Variants in HDAC8 observed in about 807,000 individuals in gnomAD.
HDAC8 encodes the protein histone deacetylase-like 1.
HDAC8 carries 1 observed loss-of-function variant against 32.2 expected under a neutral mutation model. The ratio of observed to expected loss-of-function variants is 0.03; its 90% CI spans 0.01 to 0.15. The LOEUF (loss-of-function observed/expected upper bound fraction) is 0.15, where lower values mean the gene tolerates loss of function less well. Ranked by LOEUF, HDAC8 falls within the 10% of genes least tolerant of loss-of-function variation. The pLI, the probability that HDAC8 is intolerant of heterozygous loss-of-function variation, is 1.00. For missense variants in HDAC8, 117 were observed against 300.0 expected (o/e 0.39, Z 4.51); for synonymous variants, 108 against 113.9 (o/e 0.95, Z 0.33).
chrX:72,559,625 G>A (rs1482190694), intron 4 of HDAC8, among the ~76,000 whole-genome samples: 2 of 108,511 alleles, frequency 1.8e-5, no homozygotes, highest in Non-Finnish European at 3.8e-5. Context: ...AGGAAGTGAG[G>A]AGCGTCTCTG....
chrX:72,364,475 G>C (rs2044642612), intron 9 of HDAC8, among the ~76,000 whole-genome samples: 1 of 111,848 alleles, frequency 8.9e-6, no homozygotes, highest in Non-Finnish European at 1.9e-5. Context: ...TGGAAAATTT[G>C]AATTCTTGGT....
chrX:72,445,188 AGT>A (rs1423494834), intron 9 of HDAC8, among the ~76,000 whole-genome samples: 7 of 110,555 alleles, frequency 6.3e-5, no homozygotes, highest in Non-Finnish European at 1.3e-4. Flanking sequence ...ACTACTTTAA[AGT>A]TCATATGGAA....
At chrX:72,341,703 G>A (rs1408312356) in intron 10 of HDAC8, among the ~76,000 whole-genome samples, 2 of 111,465 alleles carry the variant, frequency 1.8e-5, no homozygotes, top group Non-Finnish European at 3.8e-5. Flanking sequence ...ACCTCAGCCT[G>A]TTTTAGAGAT....
At chrX:72,401,139 T>C (rs1555967240) in intron 9 of HDAC8, among the ~76,000 whole-genome samples, 1 of 112,453 alleles carries the variant, frequency 8.9e-6, no homozygotes, top group Non-Finnish European at 1.9e-5. Flanking sequence ...GTTCAACCTT[T>C]TGAGGAACTG....
intron 9 of HDAC8, among the ~76,000 whole-genome samples, chrX:72,445,583 G>C (rs1241415412): frequency 2.7e-5 from 3 of 112,079 alleles, no homozygotes; most frequent in African/African-American, 9.7e-5. Context: ...AAAAACCCTA[G>C]AGGAAAACCT....
chrX:72,407,429 C>T (rs1400739897), intron 9 of HDAC8, among the ~76,000 whole-genome samples: 1 of 112,089 alleles, frequency 8.9e-6, no homozygotes, highest in African/African-American at 3.2e-5. Flanking sequence ...GTCCCTGTTC[C>T]CCTTTTTTTC....
At chrX:72,370,657 C>A (rs2044846728) in intron 9 of HDAC8, among the ~76,000 whole-genome samples, 1 of 112,062 alleles carries the variant, frequency 8.9e-6, no homozygotes, top group Non-Finnish European at 1.9e-5. Flanking sequence ...CTGTGCCCGG[C>A]CAAAGGGGAG....
At chrX:72,545,925 T>C (rs116431654) in intron 4 of HDAC8, among the ~76,000 whole-genome samples, 2,207 of 111,507 alleles carry the variant, frequency 0.02, 55 homozygotes, top group African/African-American at 0.066. Context: ...TATTTATTTG[T>C]TTATAAAGGC....
intron 9 of HDAC8, among the ~76,000 whole-genome samples, chrX:72,369,443 G>C (rs782579513): frequency 8.9e-6 from 1 of 112,467 alleles, no homozygotes; most frequent in African/African-American, 3.2e-5. Flanking sequence ...AGGGGAAGCA[G>C]TGGTTGATGC....
intron 4 of HDAC8, among the ~76,000 whole-genome samples, chrX:72,524,597 T>TTGTGTGTC (rs1556030682): frequency 9.0e-6 from 1 of 111,567 alleles, no homozygotes. Flanking sequence ...TACTGGAGGC[T>TTGTGTGTC]TGTGTGTCTA....
At chrX:72,383,331 T>C (rs1555960379) in intron 9 of HDAC8, among the ~76,000 whole-genome samples, 1 of 112,332 alleles carries the variant, frequency 8.9e-6, no homozygotes, top group Non-Finnish European at 1.9e-5. Context: ...TGGGAATTCA[T>C]GGATTTATGG....
chrX:72,485,368 T>A (rs1488999691), intron 7 of HDAC8, among the ~76,000 whole-genome samples: 2 of 111,806 alleles, frequency 1.8e-5, no homozygotes, highest in African/African-American at 6.5e-5. Context: ...GAGCTTGAGA[T>A]CTTTTGGTGT....
chrX:72,433,837 C>T (rs782457637), intron 9 of HDAC8, among the ~76,000 whole-genome samples: 1 of 112,238 alleles, frequency 8.9e-6, no homozygotes, highest in Admixed American at 9.4e-5. Flanking sequence ...TTAGCTTGGC[C>T]TCTTCCTGGT....
At chrX:72,413,224 A>G (rs1300074272) in intron 9 of HDAC8, among the ~76,000 whole-genome samples, 59 of 108,402 alleles carry the variant, frequency 5.4e-4, no homozygotes, top group Non-Finnish European at 9.0e-4. Context: ...CCATTAACTC[A>G]TCATTTAACA....
intron 7 of HDAC8, chrX:72,466,993 C>A (rs2048035057): frequency 8.9e-6 from 1 of 111,740 alleles, no homozygotes; most frequent in Non-Finnish European, 1.9e-5. Context: ...TGAGCCCATT[C>A]ATATTACATT....
chrX:72,552,790 A>AT (rs782129949), intron 4 of HDAC8, among the ~76,000 whole-genome samples: 354 of 102,645 alleles, frequency 3.4e-3, no homozygotes, highest in African/African-American at 6.7e-3. Context: ...AAAAAAAAAA[A>AT]ATATATATAT....
intron 5 of HDAC8, among the ~76,000 whole-genome samples, chrX:72,493,607 C>T (rs1014750650): frequency 9.0e-6 from 1 of 111,600 alleles, no homozygotes; most frequent in Non-Finnish European, 1.9e-5. Context: ...GTCTCTATTG[C>T]ACACGCACAC....
At chrX:72,444,572 C>T (rs1172381211) in intron 9 of HDAC8, among the ~76,000 whole-genome samples, 1 of 101,623 alleles carries the variant, frequency 9.8e-6, no homozygotes, top group Non-Finnish European at 2.0e-5. Context: ...AACCCACAGC[C>T]AATATCATAC....
chrX:72,485,449 AG>A (rs1300484009), intron 7 of HDAC8, among the ~76,000 whole-genome samples: 5 of 111,711 alleles, frequency 4.5e-5, no homozygotes, highest in Non-Finnish European at 9.4e-5. Context: ...TTTTAACTGA[AG>A]GGGGTATGTT....
Sources: gnomAD v4.1 joint callset for allele counts (sites outside exome capture counted in the v4.1 genomes callset) on GRCh38, gnomAD v4.1.1 for gene constraint, MANE v1.5 for transcripts, NCBI Gene and HGNC (gene_info 2026-07-23, HGNC 2026-07-21) for gene names.